ABCF1: variants seen among roughly 807,000 people sequenced by gnomAD.
ABCF1 encodes ATP-binding cassette sub-family F member 1.
In ABCF1, 73 loss-of-function variants were observed where a neutral mutation model predicts 126.3. The ratio of observed to expected loss-of-function variants is 0.58; its 90% CI spans 0.48 to 0.70. The LOEUF is 0.70. Among genes scored for constraint, ABCF1 ranks in the 30% least tolerant of loss-of-function variants. ABCF1 has a pLI of 0.00. For missense variants in ABCF1, 786 were observed against 1,057.5 expected (o/e 0.74, Z 3.56); for synonymous variants, 345 against 396.4 (o/e 0.87, Z 1.54).
rs191456242 is a variant in ABCF1 at position 30,582,381 on chromosome 6, C to T, written c.679-13C>T. 2,569 of 1,560,788 alleles carry T rather than the reference C, an allele frequency of 1.6e-3. 41 individuals carry two copies. The highest frequency in any genetic ancestry group is 2.8e-4 in the Non-Finnish European group (321 of 1,137,150). ...AGGAGTCCCTAGTTTTGACCATCCCCGGGTTCTCACAGGGTTCAGAGGAAG... is the reference window on the plus strand; with the variant it reads ...AGGAGTCCCTAGTTTTGACCATCCCTGGGTTCTCACAGGGTTCAGAGGAAG... On this transcript the variant is annotated splice_polypyrimidine_tract_variant and intron_variant, in intron 8 of 24. Transcript: ENST00000326195.
chr6:30,572,959 A>G (rs976919856), intron 1 of ABCF1, among the ~76,000 whole-genome samples: 4 of 152,240 alleles, frequency 2.6e-5, no homozygotes, highest in African/African-American at 9.6e-5. Flanking sequence ...CAGGAGACAG[A>G]TAATGAAAGG....
chr6:30,578,356 C>T lies in ABCF1; in HGVS notation c.352C>T (p.Pro118Ser). The change falls in exon 5 of 25, where the codon CCA becomes TCA. Residue 118 changes from proline (P) to serine (S), a missense_variant. This residue lies in a region of ABCF1 where 322 missense variants were observed against 322.9 expected (regional missense o/e 1.00). Coordinates refer to ENST00000326195, the MANE Select transcript of ABCF1 (RefSeq NM_001025091.2). ...TSDEEDEVPA[P>S]KPRGGKKTKG... ...TCCCCCTGTCATTTCAGTACCCGCCCCAAAACCCCGCGGAGGGAAGAAAAC... is the reference window on the plus strand; with the variant it reads ...TCCCCCTGTCATTTCAGTACCCGCCTCAAAACCCCGCGGAGGGAAGAAAAC... 6.2e-7 allele frequency: 1 copy of T among 1,614,048 alleles called. No individual in the cohort carries two copies. Among genetic ancestry groups the T allele is most frequent in the Non-Finnish European group, 8.5e-7 (1 of 1,180,024 alleles).
Position 30,588,145 on chromosome 6 carries a change from C to T in ABCF1, c.2031+1434C>T, listed in dbSNP as rs1271155399. ...CTCGAACTCCTGACCTTGTGATCCG[C>T]CCGCCTCAGCCTCCCAAAGTGCTGG... On this transcript the variant is annotated intron_variant, in intron 20 of 24. Coordinates refer to ENST00000326195, the MANE Select transcript of ABCF1 (RefSeq NM_001025091.2). 5.3e-5 allele frequency among the ~76,000 whole-genome samples: 8 copies of T among 152,288 alleles called. No individual in the cohort carries two copies. The South Asian group carries it at 1.0e-3, about 20-fold the overall frequency.
Position 30,585,358 on chromosome 6 carries a change from T to G in ABCF1, c.1475+15T>G. On this transcript the variant is annotated intron_variant, in intron 15 of 24. Coordinates refer to ENST00000326195, the MANE Select transcript of ABCF1 (RefSeq NM_001025091.2). ...TGGCTTAATAAGTGCGTTACGGCCT[T>G]TGCATCATTGGTTCCCATTCTGCAC... is the stretch of plus-strand genomic sequence containing the variant. 1 of 1,611,628 alleles carries G rather than the reference T, an allele frequency of 6.2e-7. No individual in the cohort carries two copies. The highest frequency in any genetic ancestry group is 8.5e-7 in the Non-Finnish European group (1 of 1,178,478).
Position 30,584,586 on chromosome 6 carries a change from G to A in ABCF1, c.1391+20G>A, listed in dbSNP as rs1313234503. 6.4e-7 allele frequency: 1 copy of A among 1,574,058 alleles called. No individual in the cohort carries two copies. The highest frequency in any genetic ancestry group is 8.6e-7 in the Non-Finnish European group (1 of 1,161,226). On this transcript the variant is annotated intron_variant, in intron 14 of 24. Transcript: ENST00000326195. This position sits in a 1 kb window ranked among gnomAD's most constrained non-coding sequence, Gnocchi z 4.6. ...GGCCAGGTGGGCCATTCACCTCACT[G>A]CCCTCCCTTCCAGCCTCAGACCACC...
chr6:30,578,890 C>T (rs1208675649), intron 6 of ABCF1, among the ~76,000 whole-genome samples: 1 of 152,018 alleles, frequency 6.6e-6, no homozygotes, highest in Non-Finnish European at 1.5e-5. Context: ...ATCCCAGCTA[C>T]TTGGAAGGCT....
chr6:30,584,438 C>T lies in ABCF1; in HGVS notation c.1263C>T (p.Ala421=), dbSNP rs143215608. Residue 421 remains alanine, a synonymous_variant, in exon 14 of 25, where the codon GCC becomes GCT. Coordinates refer to ENST00000326195, the MANE Select transcript of ABCF1 (RefSeq NM_001025091.2). The surrounding 1 kb of genome is among the most constrained non-coding windows in gnomAD (Gnocchi z 4.6). ...RLEKVYEELR[A]TGAAAAEAKA... is the part of the protein sequence containing the mutation. ...CCCAGGTGTATGAGGAATTGCGGGC[C>T]ACTGGGGCGGCAGCTGCAGAGGCCA... The T allele has an allele frequency of 1.9e-6, 3 of 1,612,998 alleles. No individual in the cohort carries two copies. The highest frequency in any genetic ancestry group is 1.7e-5 in the Admixed American group (1 of 60,000).
At chr6:30,587,616 CAA>C (rs919833509) in intron 20 of ABCF1, among the ~76,000 whole-genome samples, 3 of 150,302 alleles carry the variant, frequency 2.0e-5, no homozygotes, top group African/African-American at 4.9e-5. Flanking sequence ...GCCTGGGCAA[CAA>C]GAGCAAAACT....
In ABCF1 at chr6:30,584,193, G is replaced by A; in HGVS notation, c.1104G>A (p.Glu368=). 1 of 1,611,466 alleles carries A rather than the reference G, an allele frequency of 6.2e-7. No homozygotes were observed. Among genetic ancestry groups the A allele is most frequent in the South Asian group, 1.1e-5 (1 of 90,956 alleles). The change falls in exon 13 of 25, where the codon GAG becomes GAA. Residue 368 remains glutamate (E), a splice_region_variant and synonymous_variant. Transcript: ENST00000326195. This position sits in a 1 kb window ranked among gnomAD's most constrained non-coding sequence, Gnocchi z 4.6. ...PNIDVLLCEQ[E]VVADETPAVQ... Reference sequence around the variant, plus strand: ...GACTGTTCTCCCTCTGCCTCCCAGAGGTGGTAGCAGATGAGACACCAGCAG... The same window carrying A: ...GACTGTTCTCCCTCTGCCTCCCAGAAGTGGTAGCAGATGAGACACCAGCAG...
At position 30,586,110 on chromosome 6, in the gene ABCF1, C is replaced by T; in HGVS notation, c.1714-24C>T. On this transcript the variant is annotated intron_variant, in intron 17 of 24. Coordinates refer to ENST00000326195, the MANE Select transcript of ABCF1 (RefSeq NM_001025091.2). The surrounding 1 kb of genome is among the most constrained non-coding windows in gnomAD (Gnocchi z 4.9). ...GGACTGCCGCGCAGGGCTCAGGTTTCTCTTTTTTCCTCTTCCTCTCCAGGA... is the reference window on the plus strand; with the variant it reads ...GGACTGCCGCGCAGGGCTCAGGTTTTTCTTTTTTCCTCTTCCTCTCCAGGA... 6.2e-7 allele frequency: 1 copy of T among 1,607,166 alleles called. No individual in the cohort carries two copies. Among genetic ancestry groups the T allele is most frequent in the South Asian group, 1.1e-5 (1 of 90,550 alleles).
intron 20 of ABCF1, chr6:30,589,386 G>A (rs181367044): frequency 1.8e-4 from 81 of 439,374 alleles, no homozygotes; most frequent in African/African-American, 1.5e-3. Flanking sequence ...GTGTATGGAC[G>A]AGGTCAGGAG....
intron 1 of ABCF1, among the ~76,000 whole-genome samples, chr6:30,572,830 G>T (rs1033678383): frequency 6.6e-6 from 1 of 152,180 alleles, no homozygotes; most frequent in African/African-American, 2.4e-5. Flanking sequence ...AGATCATCGT[G>T]AATTAGCAAG....
At chr6:30,587,656 C>G (rs949118039) in intron 20 of ABCF1, among the ~76,000 whole-genome samples, 5 of 151,672 alleles carry the variant, frequency 3.3e-5, no homozygotes, top group African/African-American at 1.2e-4. Flanking sequence ...ACAGACCAGC[C>G]TGAGCAACAT....
rs1450817992 is a variant in ABCF1, at chr6:30,578,377, A to G, written c.373A>G (p.Lys125Glu). ...CGCCCCAAAACCCCGCGGAGGGAAGAAAACCAAGGTAAGCCATCTGTGTGG... is the reference window on the plus strand; with the variant it reads ...CGCCCCAAAACCCCGCGGAGGGAAGGAAACCAAGGTAAGCCATCTGTGTGG... ...VPAPKPRGGK[K>E]TKGGNVFAAL... Residue 125 changes from lysine to glutamate, a missense_variant, in exon 5 of 25, where the codon AAA becomes GAA. This residue lies in a region of ABCF1 where 322 missense variants were observed against 322.9 expected (regional missense o/e 1.00). Transcript: ENST00000326195. 2 of 1,613,994 alleles carry G rather than the reference A, an allele frequency of 1.2e-6. No individual in the cohort carries two copies. The highest frequency in any genetic ancestry group is 1.3e-5 in the African/African-American group (1 of 74,882).
At chr6:30,577,559 T>C in intron 2 of ABCF1, 104 bp downstream of exon 2, 1 of 1,395,960 alleles carries the variant, frequency 7.2e-7, no homozygotes, top group Non-Finnish European at 9.9e-7. Context: ...AGAAAAGATC[T>C]TGTCAAGAGA....
At position 30,583,996 on chromosome 6, in the gene ABCF1, T is replaced by A; in HGVS notation, c.1102+106T>A. Reference sequence around the variant, plus strand: ...TGTGGCTATGGAGTTGGAAGGGATGTGGAGGGAGACTGGAGACCGGGAAAG... The same window carrying A: ...TGTGGCTATGGAGTTGGAAGGGATGAGGAGGGAGACTGGAGACCGGGAAAG... On this transcript the variant is annotated intron_variant, in intron 12 of 24. Transcript: ENST00000326195. The surrounding 1 kb of genome is among the most constrained non-coding windows in gnomAD (Gnocchi z 4.1). 3.4e-6 allele frequency: 5 copies of A among 1,456,624 alleles called. No individual in the cohort carries two copies. Among genetic ancestry groups the A allele is most frequent in the Non-Finnish European group, 9.5e-7 (1 of 1,056,208 alleles). 90.2% of individuals were successfully genotyped at this position (1,456,624 alleles called of 1,614,324 possible). A position where few individuals can be genotyped will look rare whatever the true frequency, so the allele number is the denominator to read the frequency against.
At position 30,590,607 on chromosome 6, in the gene ABCF1, A is replaced by G. The variant is rs1379613860; in HGVS notation, c.2444A>G (p.Gln815Arg). 1.9e-6 allele frequency: 3 copies of G among 1,612,894 alleles called. No homozygotes were observed. Among genetic ancestry groups the G allele is most frequent in the African/African-American group, 1.3e-5 (1 of 74,898 alleles). ...TGCCAGCTGTGGGTGGTGGAGGAGCAGAGTGTTAGCCAAATCGATGGTGAC... is the reference window on the plus strand; with the variant it reads ...TGCCAGCTGTGGGTGGTGGAGGAGCGGAGTGTTAGCCAAATCGATGGTGAC... ...TNCQLWVVEE[Q>R]SVSQIDGDFE... is the part of the protein sequence containing the mutation. The change falls in exon 25 of 25, where the codon CAG (glutamine) becomes CGG (arginine). Residue 815 changes from glutamine to arginine, a missense_variant. Coordinates refer to ENST00000326195, the MANE Select transcript of ABCF1 (RefSeq NM_001025091.2).
At position 30,586,486 on chromosome 6, in the gene ABCF1, G is replaced by T. The variant is rs530528484; in HGVS notation, c.1898G>T (p.Gly633Val). 1.7e-5 allele frequency: 27 copies of T among 1,613,584 alleles called. No homozygotes were observed. In the South Asian group the frequency reaches 2.7e-4, roughly 16 times the overall value. ...PVLGLHGVTF[G>V]YQGQKPLFKN... ...TCGTGGCTTTCAGGTGTGACATTCGGCTACCAGGGACAGAAACCACTCTTT... is the reference window on the plus strand; with the variant it reads ...TCGTGGCTTTCAGGTGTGACATTCGTCTACCAGGGACAGAAACCACTCTTT... Residue 633 changes from glycine (G) to valine (V), a missense_variant, in exon 19 of 25, where the codon GGC (glycine) becomes GTC (valine). By Grantham distance (109) the Gly-to-Val change is moderately radical. Coordinates refer to ENST00000326195, the MANE Select transcript of ABCF1 (RefSeq NM_001025091.2). The surrounding 1 kb of genome is among the most constrained non-coding windows in gnomAD (Gnocchi z 4.9).
chr6:30,588,171 G>A (rs1802253088), intron 20 of ABCF1, among the ~76,000 whole-genome samples: 1 of 152,182 alleles, frequency 6.6e-6, no homozygotes, highest in Admixed American at 6.5e-5. Context: ...AAAGTGCTGG[G>A]ATTACAGGCG....
Sources: gnomAD v4.1 joint callset for allele counts (sites outside exome capture counted in the v4.1 genomes callset) on GRCh38, gnomAD v4.1.1 for gene constraint, gnomAD v4.1.1 regional missense constraint, Gnocchi (gnomAD v3.1) non-coding constraint, MANE v1.5 for transcripts, NCBI Gene and HGNC (gene_info 2026-07-23, HGNC 2026-07-21) for gene names.